DNM3: variants seen among roughly 807,000 people sequenced by gnomAD.
The protein encoded by DNM3 is dynamin-3.
DNM3 carries 47 observed loss-of-function variants against 101.6 expected under a neutral mutation model. The observed-to-expected ratio is 0.46, with a 90% CI of 0.37 to 0.59. The LOEUF (loss-of-function observed/expected upper bound fraction) is 0.59, where lower values mean the gene tolerates loss of function less well. Among genes scored for constraint, DNM3 ranks in the 20% least tolerant of loss-of-function variants. The probability of loss-of-function intolerance (pLI) is 0.00; values close to 1 mark genes in which losing one functional copy is unlikely to be tolerated. For missense variants in DNM3, 849 were observed against 1,085.7 expected (o/e 0.78, Z 3.06); for synonymous variants, 385 against 387.9 (o/e 0.99, Z 0.09).
chr1:172,316,145 A>G (rs1342370019), intron 16 of DNM3, among the ~76,000 whole-genome samples: 2 of 152,204 alleles, frequency 1.3e-5, no homozygotes, highest in Non-Finnish European at 2.9e-5. Context: ...ACTAAGCTTC[A>G]TAAGTGAAGG....
At chr1:172,195,503 A>G (rs766218632) in intron 14 of DNM3, among the ~76,000 whole-genome samples, 1 of 151,832 alleles carries the variant, frequency 6.6e-6, no homozygotes, top group African/African-American at 2.4e-5. Flanking sequence ...CCTCTTCCTC[A>G]TCTCATGGTA....
chr1:171,843,133 T>C (rs2031527592), intron 1 of DNM3, among the ~76,000 whole-genome samples: 1 of 152,230 alleles, frequency 6.6e-6, no homozygotes, highest in South Asian at 2.1e-4. Flanking sequence ...AAAGTACATA[T>C]TCCTTTCTCT....
intron 17 of DNM3, among the ~76,000 whole-genome samples, chr1:172,350,645 T>C (rs747996360): frequency 1.1e-4 from 17 of 152,120 alleles, no homozygotes; most frequent in Non-Finnish European, 2.2e-4. Flanking sequence ...AATGAAATCA[T>C]GGGAGAAGAA....
intron 14 of DNM3, among the ~76,000 whole-genome samples, chr1:172,146,448 C>T (rs1181475520): frequency 6.6e-6 from 1 of 152,048 alleles, no homozygotes; most frequent in Non-Finnish European, 1.5e-5. Flanking sequence ...TTTATATCAT[C>T]AATAGGAGTC....
intron 13 of DNM3, among the ~76,000 whole-genome samples, chr1:172,107,880 C>T (rs1331009325): frequency 6.6e-6 from 1 of 152,178 alleles, no homozygotes; most frequent in East Asian, 1.9e-4. Flanking sequence ...AGAATTTTTC[C>T]TGAGTCAGAA....
intron 17 of DNM3, among the ~76,000 whole-genome samples, chr1:172,345,254 G>A (rs1000323312): frequency 1.1e-4 from 17 of 152,152 alleles, no homozygotes; most frequent in Non-Finnish European, 4.4e-5. Flanking sequence ...AAAAGCTTTA[G>A]TTTCATCACA....
chr1:172,062,734 C>T (rs1189920647), intron 10 of DNM3, among the ~76,000 whole-genome samples: 4 of 152,206 alleles, frequency 2.6e-5, no homozygotes, highest in African/African-American at 9.6e-5. Flanking sequence ...AAGGAACTTT[C>T]CCATTAACCC....
chr1:172,277,233 C>T (rs2063324948), intron 15 of DNM3, among the ~76,000 whole-genome samples: 1 of 152,044 alleles, frequency 6.6e-6, no homozygotes, highest in African/African-American at 2.4e-5. Flanking sequence ...ATTTCTAGGA[C>T]TCTAACCAGC....
At chr1:172,069,004 AG>A in intron 11 of DNM3, 99 bp downstream of exon 11, 1 of 970,490 alleles carries the variant, frequency 1.0e-6, no homozygotes, top group Non-Finnish European at 1.6e-6. Flanking sequence ...TGTCGCTTAA[AG>A]GAAAAAAAAA....
chr1:171,984,414 G>A (rs899894429), intron 2 of DNM3, among the ~76,000 whole-genome samples: 3 of 151,978 alleles, frequency 2.0e-5, no homozygotes, highest in African/African-American at 7.2e-5. Context: ...CACACCGCCC[G>A]GTGCTCCAGC....
chr1:172,269,102 G>C (rs1048536149), intron 15 of DNM3, among the ~76,000 whole-genome samples: 4 of 152,110 alleles, frequency 2.6e-5, no homozygotes, highest in Non-Finnish European at 5.9e-5. Context: ...AGTTGTAACC[G>C]AAGCCATTAG....
At chr1:171,871,043 T>G (rs2035230864) in intron 1 of DNM3, among the ~76,000 whole-genome samples, 1 of 152,174 alleles carries the variant, frequency 6.6e-6, no homozygotes, top group Admixed American at 6.6e-5. Context: ...AGGCAAGATG[T>G]GCTAAAGAGG....
intron 2 of DNM3, among the ~76,000 whole-genome samples, chr1:171,980,203 T>C (rs753816357): frequency 6.6e-6 from 1 of 151,300 alleles, no homozygotes; most frequent in African/African-American, 2.4e-5. Context: ...AGCAATACAG[T>C]TGAGTTCTGT....
intron 15 of DNM3, among the ~76,000 whole-genome samples, chr1:172,260,108 G>C (rs184563765): frequency 6.6e-6 from 1 of 151,950 alleles, no homozygotes; most frequent in Non-Finnish European, 1.5e-5. Flanking sequence ...AATATTTTTG[G>C]CTAGCACATT....
downstream of DNM3, among the ~76,000 whole-genome samples, chr1:172,414,626 A>T (rs1032082465): frequency 2.0e-5 from 3 of 152,194 alleles, no homozygotes; most frequent in Non-Finnish European, 4.4e-5. Flanking sequence ...TTTCCTCAGT[A>T]CAGACTCTCA....
At chr1:171,986,351 A>C (rs2045254455) in intron 2 of DNM3, among the ~76,000 whole-genome samples, 1 of 152,070 alleles carries the variant, frequency 6.6e-6, no homozygotes, top group Admixed American at 6.5e-5. Flanking sequence ...TTTTTGAGTT[A>C]ATGCTAACCT....
chr1:172,242,562 C>A (rs1038644495), intron 14 of DNM3, among the ~76,000 whole-genome samples: 2 of 152,146 alleles, frequency 1.3e-5, no homozygotes, highest in Admixed American at 1.3e-4. Flanking sequence ...CCCACCTCAG[C>A]CTCCTGAGTA....
rs543418834 is a variant in DNM3 at position 172,135,367 on chromosome 1, A to G, written c.1659+4079A>G. On this transcript the variant is annotated intron_variant, in intron 14 of 20. Coordinates refer to ENST00000627582, the MANE Select transcript of DNM3 (RefSeq NM_015569.5). ...AATAAATGCAGCATAATAATTAATC[A>G]CGTCCTGGCATATCAAGTGTCAAAA... 2.0e-5 allele frequency among the ~76,000 whole-genome samples: 3 copies of G among 152,310 alleles called. No individual in the cohort carries two copies. The South Asian group carries it at 6.2e-4, about 32-fold the overall frequency.
At chr1:172,372,664 C>T in intron 17 of DNM3, among the ~76,000 whole-genome samples, 2 of 138,152 alleles carry the variant, frequency 1.4e-5, no homozygotes, top group African/African-American at 2.7e-5. Context: ...AGTATGAAAT[C>T]TTGTAATTAA....
Sources: allele counts gnomAD v4.1 joint callset (sites outside exome capture counted in the v4.1 genomes callset), GRCh38; gene constraint gnomAD v4.1.1; transcripts MANE v1.5; gene names NCBI Gene and HGNC (gene_info 2026-07-23, HGNC 2026-07-21).